FAT3: variants seen among roughly 807,000 people sequenced by gnomAD.
The protein encoded by FAT3 is FAT atypical cadherin 3.
Under a neutral mutation model 310.2 loss-of-function variants are expected in FAT3, and 95 were observed. The observed-to-expected ratio is 0.31, with a 90% CI of 0.26 to 0.36. FAT3 has a LOEUF of 0.36. Among genes scored for constraint, FAT3 ranks in the 10% least tolerant of loss-of-function variants. The pLI is 1.00. For synonymous variants in FAT3, 2,314 were observed against 2,192.9 expected (o/e 1.06, Z -1.54); for missense variants, 5,408 against 5,715.6 (o/e 0.95, Z 1.74).
chr11:92,287,105 GT>G (rs1432556918), intron 1 of FAT3, among the ~76,000 whole-genome samples: 1 of 152,074 alleles, frequency 6.6e-6, no homozygotes, highest in African/African-American at 2.4e-5. Context: ...CTTCAAATGG[GT>G]ATTTTAAGTG....
At chr11:92,480,369 G>T (rs1207531769) in intron 2 of FAT3, among the ~76,000 whole-genome samples, 3 of 152,138 alleles carry the variant, frequency 2.0e-5, no homozygotes, top group African/African-American at 7.2e-5. Context: ...TTTGGAGTCG[G>T]CCACCTCTGT....
At chr11:92,802,674 G>A (rs1381028052) in intron 10 of FAT3, among the ~76,000 whole-genome samples, 1 of 151,982 alleles carries the variant, frequency 6.6e-6, no homozygotes, top group Non-Finnish European at 1.5e-5. Flanking sequence ...CTATTTGGGG[G>A]GTGGGTTAAA....
intron 2 of FAT3, among the ~76,000 whole-genome samples, chr11:92,405,751 C>T (rs924842337): frequency 6.6e-6 from 1 of 151,606 alleles, no homozygotes; most frequent in East Asian, 1.9e-4. Context: ...GACCCCGTCT[C>T]ACAAGAACAA....
At chr11:92,809,295 C>T (rs968364497) in intron 12 of FAT3, among the ~76,000 whole-genome samples, 2 of 152,306 alleles carry the variant, frequency 1.3e-5, no homozygotes, top group South Asian at 2.1e-4. Flanking sequence ...TTAACCCTTA[C>T]ACAATAGGGG....
At chr11:92,481,184 C>T (rs1952215537) in intron 2 of FAT3, among the ~76,000 whole-genome samples, 1 of 152,124 alleles carries the variant, frequency 6.6e-6, no homozygotes, top group South Asian at 2.1e-4. Flanking sequence ...TCATTTCAAT[C>T]AGTTAAAAGG....
intron 6 of FAT3, among the ~76,000 whole-genome samples, chr11:92,765,745 A>G (rs916486629): frequency 2.7e-5 from 4 of 150,290 alleles, no homozygotes; most frequent in Non-Finnish European, 4.4e-5. Context: ...CTCGTATCCA[A>G]TGACTTCTTT....
chr11:92,670,463 A>G (rs776194347), intron 3 of FAT3, among the ~76,000 whole-genome samples: 20 of 152,216 alleles, frequency 1.3e-4, no homozygotes, highest in Non-Finnish European at 2.6e-4. Context: ...AAATGCTGCA[A>G]ATAGCATCCT....
intron 2 of FAT3, among the ~76,000 whole-genome samples, chr11:92,448,616 A>G (rs16917591): frequency 0.017 from 2,570 of 152,314 alleles, 68 homozygotes; most frequent in African/African-American, 0.053. Context: ...GTGTTTGCTC[A>G]GGATTCAAAT....
chr11:92,686,564 A>C (rs1943639540), intron 3 of FAT3, among the ~76,000 whole-genome samples: 1 of 152,204 alleles, frequency 6.6e-6, no homozygotes, highest in African/African-American at 2.4e-5. Flanking sequence ...TGTAAATATA[A>C]ATTTAAGACA....
intron 15 of FAT3, among the ~76,000 whole-genome samples, chr11:92,835,874 G>C (rs971843866): frequency 6.6e-6 from 1 of 152,130 alleles, no homozygotes; most frequent in South Asian, 2.1e-4. Context: ...CACAGATTCT[G>C]TTAGACCGCA....
intron 2 of FAT3, among the ~76,000 whole-genome samples, chr11:92,392,994 G>A (rs763569483): frequency 6.6e-6 from 1 of 152,108 alleles, no homozygotes; most frequent in Non-Finnish European, 1.5e-5. Context: ...GCAGTGGGAC[G>A]GGTATGGGTG....
intron 12 of FAT3, among the ~76,000 whole-genome samples, chr11:92,808,744 T>C (rs942355621): frequency 3.3e-5 from 5 of 151,944 alleles, no homozygotes; most frequent in African/African-American, 1.2e-4. Context: ...GTTAACACAG[T>C]GAAACCCCGT....
At position 92,880,866 on chromosome 11, in the gene FAT3, C is replaced by T. The variant is rs781397778; in HGVS notation, c.12263C>T (p.Ala4088Val). 2 of 1,613,854 alleles carry T rather than the reference C, an allele frequency of 1.2e-6. No homozygotes were observed. The highest frequency in any genetic ancestry group is 2.2e-5 in the East Asian group (1 of 44,878). Residue 4088 changes from alanine (A) to valine (V), a missense_variant, in exon 23 of 28, where the codon GCT (alanine) becomes GTT (valine). Around this residue, in one of 5 missense-constraint regions of FAT3, gnomAD observed 649 missense variants for 666.2 expected, o/e 0.97. Transcript: ENST00000525166. ...AACACTTTCATCTGCAATTGTAAAG[C>T]TGGGCTCACTGGAGTCACGTAAGTG... The part of the protein sequence containing the change: ...IGNTFICNCK[A>V]GLTGVTCEED...
At chr11:92,661,256 C>T (rs1942770545) in intron 3 of FAT3, among the ~76,000 whole-genome samples, 3 of 152,170 alleles carry the variant, frequency 2.0e-5, no homozygotes, top group Admixed American at 6.5e-5. Flanking sequence ...ACATCAAACA[C>T]ACAATTACAT....
chr11:92,339,348 T>C (rs896840961), intron 1 of FAT3, among the ~76,000 whole-genome samples: 4 of 152,168 alleles, frequency 2.6e-5, no homozygotes, highest in African/African-American at 9.7e-5. Flanking sequence ...ACTGATCTAA[T>C]CCTATGTTTT....
chr11:92,835,022 A>G lies in FAT3; in HGVS notation c.10024A>G (p.Ser3342Gly), dbSNP rs1185358516. 6.2e-7 allele frequency: 1 copy of G among 1,613,778 alleles called. No homozygotes were observed. The highest frequency in any genetic ancestry group is 8.5e-7 in the Non-Finnish European group (1 of 1,179,798). The stretch of plus-strand genomic sequence containing the variant: ...TGTTAATGACAACCCTCCCAAGTTC[A>G]GCCAAGACGTCTACAGTGCGGTTAT... ...TDVNDNPPKF[S>G]QDVYSAVISE... Residue 3342 changes from serine to glycine, a missense_variant, in exon 15 of 28, where the codon AGC (serine) becomes GGC (glycine). Physicochemically the swap from Ser to Gly is moderately conservative, Grantham distance 56 (BLOSUM62 0). Around this residue, in one of 5 missense-constraint regions of FAT3, gnomAD observed 4,588 missense variants for 4,809.8 expected, o/e 0.95. Coordinates refer to ENST00000525166, the MANE Select transcript of FAT3 (RefSeq NM_001367949.2).
chr11:92,349,861 T>G (rs767058275), intron 1 of FAT3, among the ~76,000 whole-genome samples: 1 of 152,108 alleles, frequency 6.6e-6, no homozygotes, highest in African/African-American at 2.4e-5. Flanking sequence ...TGTAACTCCA[T>G]GTTTTCTACG....
At chr11:92,796,267 C>T (rs1365641800) in intron 9 of FAT3, among the ~76,000 whole-genome samples, 3 of 152,188 alleles carry the variant, frequency 2.0e-5, no homozygotes, top group Non-Finnish European at 4.4e-5. Flanking sequence ...TTATTGTCAT[C>T]ACAAAATGGC....
intron 3 of FAT3, among the ~76,000 whole-genome samples, chr11:92,583,557 C>T (rs1385364165): frequency 2.0e-5 from 3 of 151,188 alleles, no homozygotes; most frequent in Non-Finnish European, 4.4e-5. Flanking sequence ...CTCCTTGTCC[C>T]CCATTCTGAG....
Sources: allele counts gnomAD v4.1 joint callset (sites outside exome capture counted in the v4.1 genomes callset), GRCh38; gene constraint gnomAD v4.1.1; regional missense constraint gnomAD v4.1.1; transcripts MANE v1.5; gene names NCBI Gene and HGNC (gene_info 2026-07-23, HGNC 2026-07-21).